Variants in PCDHGA2 observed in about 807,000 individuals in gnomAD.
PCDHGA2 encodes the protein protocadherin gamma subfamily A, 2.
Under a neutral mutation model 59.2 loss-of-function variants are expected in PCDHGA2, and 40 were observed. That is an observed-to-expected ratio of 0.68 (90% CI 0.52 to 0.88). PCDHGA2 has a LOEUF of 0.88. Among genes scored for constraint, PCDHGA2 ranks in the 40% least tolerant of loss-of-function variants. PCDHGA2 has a pLI of 0.00. For synonymous variants in PCDHGA2, 560 were observed against 526.0 expected (o/e 1.06, Z -0.89); for missense variants, 1,226 against 1,204.0 (o/e 1.02, Z -0.27).
At chr5:141,370,619 T>C (rs760864223) in intron 1 of PCDHGA2, 1 of 1,613,966 alleles carries the variant, frequency 6.2e-7, no homozygotes, top group Non-Finnish European at 8.5e-7. Context: ...AGAAATTCTT[T>C]ACCGTGAGCC....
intron 1 of PCDHGA2, chr5:141,343,290 A>G: frequency 1.0e-6 from 1 of 967,064 alleles, no homozygotes; most frequent in South Asian, 4.8e-5. Flanking sequence ...AAGAAATATA[A>G]TGTATAAATA....
In PCDHGA2 at chr5:141,431,463, C is replaced by T. The variant is rs139195027; in HGVS notation, c.2425-63344C>T. Reference sequence around the variant, plus strand: ...CGCATCCGCGTGATGGTTCTGGATGCGAACGACAACGCACCAGCGTTTGCT... The same window carrying T: ...CGCATCCGCGTGATGGTTCTGGATGTGAACGACAACGCACCAGCGTTTGCT... On this transcript the variant is annotated intron_variant, in intron 1 of 3. Transcript: ENST00000394576. The surrounding 1 kb of genome is among the most constrained non-coding windows in gnomAD (Gnocchi z 4.8). The T allele has an allele frequency of 3.5e-3, 5,640 of 1,613,740 alleles. 51 individuals are homozygous for T. Among genetic ancestry groups the T allele is most frequent in the South Asian group, 0.02 (1,825 of 91,088 alleles).
intron 1 of PCDHGA2, chr5:141,364,326 A>T (rs1186255733): frequency 7.2e-6 from 11 of 1,528,198 alleles, no homozygotes; most frequent in Non-Finnish European, 9.6e-6. Context: ...GGCAGAGAGA[A>T]GGCAATGGCG....
intron 1 of PCDHGA2, among the ~76,000 whole-genome samples, chr5:141,465,031 C>T (rs933448980): frequency 1.3e-5 from 2 of 151,958 alleles, no homozygotes; most frequent in Non-Finnish European, 1.5e-5. Context: ...CATGAACCAC[C>T]ACAAATGACC....
intron 1 of PCDHGA2, chr5:141,346,163 G>A: frequency 2.5e-6 from 4 of 1,614,024 alleles, no homozygotes; most frequent in African/African-American, 1.3e-5. Context: ...TCGTCATCGT[G>A]CTGCTGGCGC....
Position 141,351,345 on chromosome 5 carries a change from T to C in PCDHGA2, c.2424+9950T>C, listed in dbSNP as rs768098006. On this transcript the variant is annotated intron_variant, in intron 1 of 3. Transcript: ENST00000394576. ...GAGGATTCAGACCTTGGAACTGTAA[T>C]AGCCCTCATAAAAGTGCGAGACAAG... The C allele has an allele frequency of 6.8e-6, 11 of 1,613,492 alleles. No individual in the cohort carries two copies. The highest frequency in any genetic ancestry group is 8.5e-6 in the Non-Finnish European group (10 of 1,179,632).
Position 141,338,916 on chromosome 5 carries a change from T to A in PCDHGA2, c.-56T>A. The A allele has an allele frequency of 6.6e-7, 1 of 1,508,270 alleles. No individual in the cohort carries two copies. Among genetic ancestry groups the A allele is most frequent in the Non-Finnish European group, 8.9e-7 (1 of 1,128,684 alleles). 93.4% of individuals were successfully genotyped at this position (1,508,270 alleles called of 1,614,324 possible). A position where few individuals can be genotyped will look rare whatever the true frequency, so the allele number is the denominator to read the frequency against. Reference sequence around the variant, plus strand: ...ATCTCACACCCTGAGGAATAAAGATTGGAATCCGCACTGGATGCTGGAAGT... The same window carrying A: ...ATCTCACACCCTGAGGAATAAAGATAGGAATCCGCACTGGATGCTGGAAGT... On this transcript the variant is annotated 5_prime_UTR_variant, in exon 1 of 4. Transcript: ENST00000394576.
At chr5:141,391,203 T>C (rs77020243) in intron 1 of PCDHGA2, 3 of 152,214 alleles carry the variant, frequency 2.0e-5, no homozygotes, top group Non-Finnish European at 4.4e-5. Flanking sequence ...ATATACAAAA[T>C]ACCAAGGAAC....
chr5:141,355,523 T>C lies in PCDHGA2; in HGVS notation c.2424+14128T>C, dbSNP rs1170286718. The C allele has an allele frequency of 3.9e-5, 63 of 1,613,962 alleles. No individual in the cohort carries two copies. In the Admixed American group the frequency reaches 1.0e-3, roughly 27 times the overall value. On this transcript the variant is annotated intron_variant, in intron 1 of 3. Transcript: ENST00000394576. ...CCAAACTGTGTGACAAACCTGGAGA[T>C]TCTTCTAGAAGATACAGTGAAGATT...
intron 1 of PCDHGA2, among the ~76,000 whole-genome samples, chr5:141,373,280 A>G (rs1187870137): frequency 6.6e-6 from 1 of 152,242 alleles, no homozygotes; most frequent in Non-Finnish European, 1.5e-5. Context: ...GATGTTGCCT[A>G]TGTCAGGGCA....
chr5:141,470,842 CA>C (rs1300821457), intron 1 of PCDHGA2, among the ~76,000 whole-genome samples: 2 of 152,044 alleles, frequency 1.3e-5, no homozygotes, highest in African/African-American at 4.8e-5. Flanking sequence ...CACACGCCAC[CA>C]TGCTCAGATA....
At chr5:141,354,470 G>A (rs1446177530) in intron 1 of PCDHGA2, among the ~76,000 whole-genome samples, 1 of 152,216 alleles carries the variant, frequency 6.6e-6, no homozygotes, top group Non-Finnish European at 1.5e-5. Flanking sequence ...CATTTGTACA[G>A]GGTAAGGCTA....
At chr5:141,438,591 CATATATATATATATATATATAT>C (rs946798767) in intron 1 of PCDHGA2, among the ~76,000 whole-genome samples, 1 of 75,562 alleles carries the variant, frequency 1.3e-5, no homozygotes, top group Middle Eastern at 7.4e-3. Context: ...TACATACATA[CATATATATATATATATATATAT>C]ATATATATAT....
intron 1 of PCDHGA2, among the ~76,000 whole-genome samples, chr5:141,488,118 A>G (rs1054356891): frequency 2.7e-4 from 41 of 152,190 alleles, no homozygotes; most frequent in Non-Finnish European, 2.9e-5. Context: ...AAACATAGAG[A>G]CAGCAGAAAG....
chr5:141,504,578 TGCCCAGGATTCACAGCAA>T (rs2099839274), intron 2 of PCDHGA2, among the ~76,000 whole-genome samples: 1 of 148,500 alleles, frequency 6.7e-6, no homozygotes, highest in African/African-American at 2.5e-5. Flanking sequence ...GAACACCATC[TGCCCAGGATTCACAGCAA>T]GAGGGAACTT....
chr5:141,460,498 T>G (rs1028506755), intron 1 of PCDHGA2, among the ~76,000 whole-genome samples: 1 of 152,184 alleles, frequency 6.6e-6, no homozygotes. Context: ...TGGAAAAATA[T>G]GCTGAGAAGG....
At chr5:141,414,918 G>A (rs1316323072) in intron 1 of PCDHGA2, 2 of 1,614,180 alleles carry the variant, frequency 1.2e-6, no homozygotes, top group Admixed American at 3.3e-5. Flanking sequence ...GCGTGGAGCT[G>A]GCGCCCCGCT....
At chr5:141,435,435 T>G (rs2097763289) in intron 1 of PCDHGA2, among the ~76,000 whole-genome samples, 1 of 152,212 alleles carries the variant, frequency 6.6e-6, no homozygotes. Context: ...TGTTATGCAT[T>G]TCATTAATAC....
intron 1 of PCDHGA2, chr5:141,423,123 A>G: frequency 1.2e-6 from 2 of 1,613,766 alleles, no homozygotes; most frequent in Non-Finnish European, 1.7e-6. Flanking sequence ...CAGCGCGGGC[A>G]CTGCTGGACA....
Sources: allele counts gnomAD v4.1 joint callset (sites outside exome capture counted in the v4.1 genomes callset), GRCh38; gene constraint gnomAD v4.1.1; non-coding constraint Gnocchi (gnomAD v3.1); transcripts MANE v1.5; gene names NCBI Gene and HGNC (gene_info 2026-07-23, HGNC 2026-07-21).